TBL3: variants seen among roughly 807,000 people sequenced by gnomAD.
TBL3 encodes transducin beta-like protein 3.
In TBL3, 71 loss-of-function variants were observed where a neutral mutation model predicts 102.7. The observed-to-expected ratio is 0.69, with a 90% confidence interval of 0.57 to 0.84. The LOEUF (loss-of-function observed/expected upper bound fraction) is 0.84, where lower values mean the gene tolerates loss of function less well. Ranked by LOEUF, TBL3 falls within the 40% of genes least tolerant of loss-of-function variation. TBL3 has a pLI of 0.00. For synonymous variants in TBL3, 578 were observed against 477.7 expected (o/e 1.21, Z -2.74); for missense variants, 1,188 against 1,098.5 (o/e 1.08, Z -1.15).
chr16:1,974,283 T>G lies in TBL3; in HGVS notation c.180T>G (p.Ser60Arg). Residue 60 changes from serine to arginine, a missense_variant, in exon 3 of 22, where the codon AGT (serine) becomes AGG (arginine). By Grantham distance (110) the Ser-to-Arg change is moderately radical (BLOSUM62 -1). Coordinates refer to ENST00000568546, the MANE Select transcript of TBL3 (RefSeq NM_006453.3). ...LEVASGAVLR[S>R]LEQEDQEDIT... is the part of the protein sequence containing the mutation. The stretch of plus-strand genomic sequence containing the variant: ...TGGCCTCGGGGGCCGTGCTGCGGAG[T>G]CTGGAGCAGGTGAGGGCAGCCTGGG... The G allele has an allele frequency of 6.3e-7, 1 of 1,593,538 alleles. No individual in the cohort carries two copies. The highest frequency in any genetic ancestry group is 8.6e-7 in the Non-Finnish European group (1 of 1,168,376).
chr16:1,974,989 G>C lies in TBL3; in HGVS notation c.526G>C (p.Ala176Pro). ...GCTCTTCTCCTCGGCCACGGATGCC[G>C]CCATCCGCGTGTGGTCACTGCAGGA... ...LLLFSSATDA[A>P]IRVWSLQDRS... is the part of the protein sequence containing the mutation. Residue 176 changes from alanine (A) to proline (P), a missense_variant, in exon 7 of 22, where the codon GCC (alanine) becomes CCC (proline). Physicochemically the swap from Ala to Pro is conservative, Grantham distance 27. Transcript: ENST00000568546. 2 of 1,607,892 alleles carry C rather than the reference G, an allele frequency of 1.2e-6. No homozygotes were observed. Among genetic ancestry groups the C allele is most frequent in the Non-Finnish European group, 1.7e-6 (2 of 1,179,970 alleles).
At chr16:1,974,700 TG>T in intron 5 of TBL3, 21 bp downstream of exon 5, 19 of 1,611,020 alleles carry the variant, frequency 1.2e-5, no homozygotes, top group Non-Finnish European at 1.6e-5. Context: ...GCCGTGCAGG[TG>T]GGTCGTGGGC....
In TBL3 at chr16:1,974,543, G is replaced by A. The variant is rs1214260772; in HGVS notation, c.243G>A (p.Leu81=). Residue 81 remains leucine (L), a synonymous_variant, in exon 5 of 22, where the codon CTG becomes CTA. Transcript: ENST00000568546. Reference sequence around the variant, plus strand: ...TGACCTGTACCCTCCCCCAGGTGCTGGTGACAGCCAGTCGGGCATTGCTGC... The same window carrying A: ...TGACCTGTACCCTCCCCCAGGTGCTAGTGACAGCCAGTCGGGCATTGCTGC... ...AFDLSPDNEV[L]VTASRALLLA... 6.2e-7 allele frequency: 1 copy of A among 1,605,794 alleles called. No individual in the cohort carries two copies. The highest frequency in any genetic ancestry group is 1.3e-5 in the African/African-American group (1 of 74,854).
In TBL3 at chr16:1,978,703, C is replaced by G; in HGVS notation, c.*18C>G. On this transcript the variant is annotated 3_prime_UTR_variant, in exon 22 of 22. Coordinates refer to ENST00000568546, the MANE Select transcript of TBL3 (RefSeq NM_006453.3). ...TGCCCTAGCCGGTCCGGCCTCTCTC[C>G]AGTCCATCCTGAACCCCTGGAAAAC... 1 of 1,601,196 alleles carries G rather than the reference C, an allele frequency of 6.2e-7. No individual in the cohort carries two copies. The highest frequency in any genetic ancestry group is 8.5e-7 in the Non-Finnish European group (1 of 1,170,994).
In TBL3 at chr16:1,974,263, T is replaced by C; in HGVS notation, c.160T>C (p.Ser54Pro). The C allele has an allele frequency of 6.2e-7, 1 of 1,602,126 alleles. No individual in the cohort carries two copies. ...CAGAGTCAACATTCTGGAAGTGGCCTCGGGGGCCGTGCTGCGGAGTCTGGA... is the reference window on the plus strand; with the variant it reads ...CAGAGTCAACATTCTGGAAGTGGCCCCGGGGGCCGTGCTGCGGAGTCTGGA... ...GTRVNILEVA[S>P]GAVLRSLEQE... Residue 54 changes from serine (S) to proline (P), a missense_variant, in exon 3 of 22, where the codon TCG (serine) becomes CCG (proline). Physicochemically the swap from Ser to Pro is moderately conservative, Grantham distance 74. Transcript: ENST00000568546.
rs767521063 is a variant in TBL3 at position 1,980,105 on chromosome 16, C to T, written c.*1420C>T. ...GGCTGCAGGCAGCGCAGGCTCTGAG[C>T]CTCCAGACTGTGGATGGAGAGGCGG... On this transcript the variant is annotated 3_prime_UTR_variant, in exon 22 of 22. Transcript: ENST00000568546. The T allele has an allele frequency of 7.2e-5, 116 of 1,608,024 alleles. No homozygotes were observed. The highest frequency in any genetic ancestry group is 9.4e-5 in the Non-Finnish European group (111 of 1,178,828).
chr16:1,979,278 C>G lies in TBL3; in HGVS notation c.*593C>G, dbSNP rs1298694039. 3 of 1,551,982 alleles carry G rather than the reference C, an allele frequency of 1.9e-6. No homozygotes were observed. The highest frequency in any genetic ancestry group is 2.6e-6 in the Non-Finnish European group (3 of 1,156,678). On this transcript the variant is annotated 3_prime_UTR_variant, in exon 22 of 22. Transcript: ENST00000568546. ...GTCGTCTCCTCCACGGAACCCCGTCCCGCTCAGGAGAGCGCCCAGCCCTTC... is the reference window on the plus strand; with the variant it reads ...GTCGTCTCCTCCACGGAACCCCGTCGCGCTCAGGAGAGCGCCCAGCCCTTC...
intron 16 of TBL3, 26 bp from the exon 17 acceptor site, chr16:1,977,488 T>C (rs1425299787): frequency 1.9e-6 from 3 of 1,609,244 alleles, no homozygotes; most frequent in Middle Eastern, 1.7e-4. Flanking sequence ...TGCCTGACGC[T>C]GAGCCTCTCC....
intron 1 of TBL3, among the ~76,000 whole-genome samples, 154 bp downstream of exon 1, chr16:1,972,359 A>G (rs893631941): frequency 6.6e-6 from 1 of 152,034 alleles, no homozygotes; most frequent in African/African-American, 2.4e-5. Flanking sequence ...CGGTGATACT[A>G]GGCGGGAGAG....
Position 1,978,359 on chromosome 16 carries a change from C to T in TBL3, c.2181C>T (p.His727=), listed in dbSNP as rs2083422979. Residue 727 remains histidine (H), a synonymous_variant, in exon 21 of 22, where the codon CAC becomes CAT. Coordinates refer to ENST00000568546, the MANE Select transcript of TBL3 (RefSeq NM_006453.3). ...FCVTWNTNSR[H]CHEAQAVLGV... is the part of the protein sequence containing the mutation. ...TCACGTGGAACACCAACTCGCGGCA[C>T]TGCCACGAGGCCCAGGCCGTGCTGG... 1 of 1,611,676 alleles carries T rather than the reference C, an allele frequency of 6.2e-7. No individual in the cohort carries two copies. The highest frequency in any genetic ancestry group is 1.7e-5 in the Admixed American group (1 of 59,932).
intron 1 of TBL3, 69 bp from the exon 2 acceptor site, chr16:1,973,987 T>A: frequency 1.4e-6 from 2 of 1,455,832 alleles, no homozygotes; most frequent in South Asian, 2.9e-5. Flanking sequence ...GAGGAGCACC[T>A]AGCACAGGGC....
Position 1,979,089 on chromosome 16 carries a change from C to A in TBL3, c.*404C>A, listed in dbSNP as rs1176528843. 3 of 1,518,948 alleles carry A rather than the reference C, an allele frequency of 2.0e-6. No homozygotes were observed. The highest frequency in any genetic ancestry group is 1.2e-5 in the South Asian group (1 of 81,218). The allele number at this position is 1,518,948 out of a possible 1,614,324, so 94.1% of individuals were successfully genotyped here. A position where few individuals can be genotyped will look rare whatever the true frequency, so the allele number is the denominator to read the frequency against. On this transcript the variant is annotated 3_prime_UTR_variant, in exon 22 of 22. Transcript: ENST00000568546. Reference sequence around the variant, plus strand: ...CGTGGGGTGCGGCACAGAGTCCACGCACCCTCGAGGGCGGCCCTGGCGCCG... The same window carrying A: ...CGTGGGGTGCGGCACAGAGTCCACGAACCCTCGAGGGCGGCCCTGGCGCCG...
At position 1,974,910 on chromosome 16, in the gene TBL3, T is replaced by C. The variant is rs2083387490; in HGVS notation, c.465-18T>C. ...CCCAGGCTGCACAGCTCACCCATCC[T>C]GTCCCGTCCGCCCACAGCCTAGTGG... On this transcript the variant is annotated intron_variant, in intron 6 of 21. Coordinates refer to ENST00000568546, the MANE Select transcript of TBL3 (RefSeq NM_006453.3). 1.2e-6 allele frequency: 2 copies of C among 1,612,212 alleles called. No homozygotes were observed. Among genetic ancestry groups the C allele is most frequent in the Non-Finnish European group, 1.7e-6 (2 of 1,179,798 alleles).
rs868000968 is a variant in TBL3 at position 1,979,719 on chromosome 16, G to A, written c.*1034G>A. On this transcript the variant is annotated 3_prime_UTR_variant, in exon 22 of 22. Transcript: ENST00000568546. ...GGGCTCCTGGCCCGCCCTGCCCGCGGTGCTTCTGGCCCAGTCTTGCCACAC... is the reference window on the plus strand; with the variant it reads ...GGGCTCCTGGCCCGCCCTGCCCGCGATGCTTCTGGCCCAGTCTTGCCACAC... The A allele has an allele frequency of 6.4e-5, 84 of 1,313,032 alleles. No individual in the cohort carries two copies. The Middle Eastern group carries it at 1.7e-3, about 27-fold the overall frequency. The allele number at this position is 1,313,032 out of a possible 1,614,324, so 81.3% of individuals were successfully genotyped here. A position where few individuals can be genotyped will look rare whatever the true frequency, so the allele number is the denominator to read the frequency against.
Position 1,981,458 on chromosome 16 carries a change from G to A in TBL3, c.*2773G>A. ...AAGAATGAGCTTTCCAGCCCTGGAGGCGTGCAAGACTGAAGAAGGGGCGAA... is the reference window on the plus strand; with the variant it reads ...AAGAATGAGCTTTCCAGCCCTGGAGACGTGCAAGACTGAAGAAGGGGCGAA... On this transcript the variant is annotated 3_prime_UTR_variant, in exon 22 of 22. Transcript: ENST00000568546. 1 of 714,470 alleles carries A rather than the reference G, an allele frequency of 1.4e-6. No individual in the cohort carries two copies. Among genetic ancestry groups the A allele is most frequent in the Non-Finnish European group, 2.2e-6 (1 of 460,614 alleles). The allele number at this position is 714,470 out of a possible 1,614,324, so 44.3% of individuals were successfully genotyped here.
chr16:1,979,280 G>T lies in TBL3; in HGVS notation c.*595G>T, dbSNP rs937873075. 1.3e-6 allele frequency: 2 copies of T among 1,554,166 alleles called. No homozygotes were observed. The highest frequency in any genetic ancestry group is 1.7e-6 in the Non-Finnish European group (2 of 1,157,782). The stretch of plus-strand genomic sequence containing the variant: ...CGTCTCCTCCACGGAACCCCGTCCC[G>T]CTCAGGAGAGCGCCCAGCCCTTCCG... On this transcript the variant is annotated 3_prime_UTR_variant, in exon 22 of 22. Transcript: ENST00000568546.
Position 1,977,403 on chromosome 16 carries a change from C to T in TBL3, c.1719C>T (p.Ser573=), listed in dbSNP as rs568140464. Reference sequence around the variant, plus strand: ...CTGTGCTGAAGGTGGCCTTTGTGAGCCGTGGCACGCAGCTGCTGTCCAGGT... The same window carrying T: ...CTGTGCTGAAGGTGGCCTTTGTGAGTCGTGGCACGCAGCTGCTGTCCAGGT... ...DASVLKVAFV[S]RGTQLLSSGS... The change falls in exon 16 of 22, where the codon AGC becomes AGT. Residue 573 remains serine, a synonymous_variant. Coordinates refer to ENST00000568546, the MANE Select transcript of TBL3 (RefSeq NM_006453.3). 84 of 1,612,858 alleles carry T rather than the reference C, an allele frequency of 5.2e-5. 1 individual carries two copies. The South Asian group carries it at 9.0e-4, about 17-fold the overall frequency.
At position 1,979,661 on chromosome 16, in the gene TBL3, T is replaced by A; in HGVS notation, c.*976T>A. The A allele has an allele frequency of 8.3e-7, 1 of 1,200,584 alleles. No homozygotes were observed. 74.4% of individuals were successfully genotyped at this position (1,200,584 alleles called of 1,614,324 possible). A position where few individuals can be genotyped will look rare whatever the true frequency, so the allele number is the denominator to read the frequency against. On this transcript the variant is annotated 3_prime_UTR_variant, in exon 22 of 22. Transcript: ENST00000568546. ...ACGGCGGGGCCGCTCTAAGACCGGT[T>A]CGGGGCTTCCTCTAGGTGCGGAGAC...
chr16:1,974,078 G>C lies in TBL3; in HGVS notation c.64G>C (p.Glu22Gln), dbSNP rs2083379435. 13 of 1,582,530 alleles carry C rather than the reference G, an allele frequency of 8.2e-6. No homozygotes were observed. The highest frequency in any genetic ancestry group is 1.1e-5 in the Non-Finnish European group (13 of 1,158,932). ...KTNYAVERKI[E>Q]PFYKGGKAQL... is the part of the protein sequence containing the mutation. Reference sequence around the variant, plus strand: ...CAGCTATGCTGTGGAGCGCAAAATTGAGCCTTTCTACAAGGGCGGAAAAGC... The same window carrying C: ...CAGCTATGCTGTGGAGCGCAAAATTCAGCCTTTCTACAAGGGCGGAAAAGC... Residue 22 changes from glutamate (E) to glutamine (Q), a missense_variant, in exon 2 of 22, where the codon GAG becomes CAG. Physicochemically the swap from Glu to Gln is conservative, Grantham distance 29 (BLOSUM62 2). Coordinates refer to ENST00000568546, the MANE Select transcript of TBL3 (RefSeq NM_006453.3).
Sources: gnomAD v4.1 joint callset for allele counts (sites outside exome capture counted in the v4.1 genomes callset) on GRCh38, gnomAD v4.1.1 for gene constraint, MANE v1.5 for transcripts, NCBI Gene and HGNC (gene_info 2026-07-23, HGNC 2026-07-21) for gene names.